TRO: variants seen among roughly 807,000 people sequenced by gnomAD.
TRO encodes the protein trophinin, also known as MAGE superfamily protein.
Under a neutral mutation model 42.3 loss-of-function variants are expected in TRO, and 29 were observed. The observed-to-expected ratio is 0.68, with a 90% CI of 0.51 to 0.93. The LOEUF (loss-of-function observed/expected upper bound fraction) is 0.93, where lower values mean the gene tolerates loss of function less well. Ranked by LOEUF, TRO falls within the 40% of genes least tolerant of loss-of-function variation. The pLI is 0.00. For synonymous variants in TRO, 384 were observed against 425.2 expected (o/e 0.90, Z 1.19); for missense variants, 963 against 1,127.7 (o/e 0.85, Z 2.09).
intron 1 of TRO, 200 bp from the exon 2 acceptor site, chrX:54,922,003 G>C: frequency 2.9e-6 from 1 of 339,212 alleles, no homozygotes; most frequent in Non-Finnish European, 5.1e-6. Context: ...CGGAGGGGGC[G>C]TGTAAAGGGG....
Position 54,925,127 on chromosome X carries a change from A to T in TRO, c.1485+59A>T. 3.8e-6 allele frequency: 4 copies of T among 1,048,982 alleles called. No homozygotes were observed. The East Asian group carries it at 1.2e-4, about 32-fold the overall frequency. The allele number at this position is 1,048,982 out of a possible 1,213,427, so 86.4% of individuals were successfully genotyped here. On this transcript the variant is annotated intron_variant, in intron 6 of 12. Coordinates refer to ENST00000173898, the MANE Select transcript of TRO (RefSeq NM_001039705.3). ...GGGAAGCTTTGAATCGAGCAAAGAC[A>T]TACATGTCCCTTTTGGAGAGAATCA...
Position 54,928,900 on chromosome X carries a change from G to A in TRO, c.2176G>A (p.Gly726Arg). ...CAGCACCAACGTCAACTTCAGCAGA[G>A]GAGCTAGTACCAGGGCTGGCTTCAG... ...DASTNVNFSR[G>R]ASTRAGFSDG... Residue 726 changes from glycine to arginine, a missense_variant, in exon 12 of 13, where the codon GGA (glycine) becomes AGA (arginine). Coordinates refer to ENST00000173898, the MANE Select transcript of TRO (RefSeq NM_001039705.3). The A allele has an allele frequency of 1.7e-6, 2 of 1,211,428 alleles. No individual in the cohort carries two copies. The highest frequency in any genetic ancestry group is 2.3e-4 in the Middle Eastern group (1 of 4,341).
At chrX:54,923,886 G>T in intron 3 of TRO, 118 bp downstream of exon 3, 2 of 786,155 alleles carry the variant, frequency 2.5e-6, no homozygotes, top group Middle Eastern at 3.3e-4. Context: ...GTTCAGATAG[G>T]CTGTGGAAGA....
chrX:54,928,806 C>A lies in TRO; in HGVS notation c.2082C>A (p.Gly694=), dbSNP rs1158138039. ...ACTGCCTAACAAGGGAAGAGTTAGGCGATGATGCTCAGGCCTGGAGCAGAT... is the reference window on the plus strand; with the variant it reads ...ACTGCCTAACAAGGGAAGAGTTAGGAGATGATGCTCAGGCCTGGAGCAGAT... ...DIDCLTREEL[G]DDAQAWSRFS... The change falls in exon 12 of 13, where the codon GGC becomes GGA. Residue 694 remains glycine, a synonymous_variant. Coordinates refer to ENST00000173898, the MANE Select transcript of TRO (RefSeq NM_001039705.3). The A allele has an allele frequency of 1.8e-5, 22 of 1,209,780 alleles. No individual in the cohort carries two copies. The African/African-American group carries it at 2.3e-4, about 12-fold the overall frequency.
chrX:54,928,542 C>T (rs908168663), intron 11 of TRO, 61 bp from the exon 12 acceptor site: 34 of 1,112,494 alleles, frequency 3.1e-5, no homozygotes, highest in Admixed American at 9.4e-5. Flanking sequence ...ATACAAAGCC[C>T]GTAGGTTAAT....
intron 5 of TRO, 106 bp from the exon 6 acceptor site, chrX:54,924,883 A>T: frequency 1.0e-6 from 1 of 983,851 alleles, no homozygotes; most frequent in Non-Finnish European, 1.4e-6. Context: ...TCTCCCATTA[A>T]CTCACTTCAG....
intron 12 of TRO, 30 bp downstream of exon 12, chrX:54,931,061 C>T: frequency 8.5e-7 from 1 of 1,169,716 alleles, no homozygotes. Context: ...AGCCAGGACC[C>T]ACAGGGATGG....
chrX:54,926,387 T>G (rs190582645), intron 7 of TRO, 23 bp from the exon 8 acceptor site: 1 of 1,196,979 alleles, frequency 8.4e-7, no homozygotes, highest in African/African-American at 1.8e-5. Flanking sequence ...ATAAACCTTC[T>G]TTCTGTCCTG....
In TRO at chrX:54,929,972, T is replaced by A. The variant is rs755309574; in HGVS notation, c.3248T>A (p.Val1083Asp). Reference sequence around the variant, plus strand: ...ACCAGTGCCAGCTTCAGTGGTGCTGTCAGCACCAGTGCTTGCTTCAGTGGT... The same window carrying A: ...ACCAGTGCCAGCTTCAGTGGTGCTGACAGCACCAGTGCTTGCTTCAGTGGT... ...VSTSASFSGA[V>D]STSACFSGAP... The change falls in exon 12 of 13, where the codon GTC becomes GAC. Residue 1083 changes from valine to aspartate, a missense_variant. Physicochemically the swap from Val to Asp is radical, Grantham distance 152. Transcript: ENST00000173898. 8.3e-7 allele frequency: 1 copy of A among 1,209,838 alleles called. No individual in the cohort carries two copies. The highest frequency in any genetic ancestry group is 1.8e-5 in the South Asian group (1 of 56,821).
intron 7 of TRO, 69 bp from the exon 8 acceptor site, chrX:54,926,341 G>C: frequency 9.3e-7 from 1 of 1,079,766 alleles, no homozygotes; most frequent in Non-Finnish European, 1.3e-6. Flanking sequence ...GCGGATGGCT[G>C]CTGAAACATA....
chrX:54,928,592 C>T lies in TRO; in HGVS notation c.1879-11C>T, dbSNP rs767443927. 4.4e-6 allele frequency: 5 copies of T among 1,140,168 alleles called. No individual in the cohort carries two copies. The allele number at this position is 1,140,168 out of a possible 1,213,427, so 94.0% of individuals were successfully genotyped here. A position where few individuals can be genotyped will look rare whatever the true frequency, so the allele number is the denominator to read the frequency against. ...GTTGTTTTCTTATTATGATTATCAT[C>T]CCCATTTCAGGTGCAGAAGAAAGAC... On this transcript the variant is annotated splice_polypyrimidine_tract_variant and intron_variant, in intron 11 of 12. Coordinates refer to ENST00000173898, the MANE Select transcript of TRO (RefSeq NM_001039705.3).
At chrX:54,921,865 A>G (rs1387224621) in intron 1 of TRO, 2 of 151,355 alleles carry the variant, frequency 1.3e-5, no homozygotes, top group Non-Finnish European at 2.5e-5. Context: ...AGCTGGTTAG[A>G]AACTGTCCGG....
chrX:54,927,111 T>C lies in TRO; in HGVS notation c.1763+6T>C, dbSNP rs776841049. 5.8e-6 allele frequency: 7 copies of C among 1,209,495 alleles called. 1 individual carries two copies. Among genetic ancestry groups the C allele is most frequent in the Non-Finnish European group, 7.8e-6 (7 of 895,000 alleles). ...GACGAGTTTGTGAAGCAGAAGTAAG[T>C]GGTGTTTGGGGCTTTGTCTGGCCCT... On this transcript the variant is annotated splice_donor_region_variant and intron_variant, in intron 10 of 12. Coordinates refer to ENST00000173898, the MANE Select transcript of TRO (RefSeq NM_001039705.3).
At position 54,929,580 on chromosome X, in the gene TRO, A is replaced by C; in HGVS notation, c.2856A>C (p.Thr952=). Residue 952 remains threonine (T), a synonymous_variant, in exon 12 of 13, where the codon ACA becomes ACC. Coordinates refer to ENST00000173898, the MANE Select transcript of TRO (RefSeq NM_001039705.3). ...GCACCAGTGCCAATTTTGGTGGTACACTAAGTACCAGCATCTGCTTTGATG... is the reference window on the plus strand; with the variant it reads ...GCACCAGTGCCAATTTTGGTGGTACCCTAAGTACCAGCATCTGCTTTGATG... ...SSSTSANFGG[T]LSTSICFDGS... is the part of the protein sequence containing the mutation. 8.3e-7 allele frequency: 1 copy of C among 1,210,965 alleles called. No homozygotes were observed. Among genetic ancestry groups the C allele is most frequent in the Non-Finnish European group, 1.1e-6 (1 of 895,134 alleles).
At chrX:54,923,833 G>C (rs1932430973) in intron 3 of TRO, 65 bp downstream of exon 3, 1 of 1,052,377 alleles carries the variant, frequency 9.5e-7, no homozygotes, top group African/African-American at 1.9e-5. Flanking sequence ...CTTCTAGTTT[G>C]TTCATTTCTT....
Position 54,929,429 on chromosome X carries a change from C to T in TRO, c.2705C>T (p.Ser902Phe), listed in dbSNP as rs1932914373. 1.7e-5 allele frequency: 21 copies of T among 1,212,262 alleles called. No homozygotes were observed. Among genetic ancestry groups the T allele is most frequent in the Non-Finnish European group, 2.3e-5 (21 of 895,612 alleles). Residue 902 changes from serine (S) to phenylalanine (F), a missense_variant, in exon 12 of 13, where the codon TCT (serine) becomes TTT (phenylalanine). Ser to Phe is a radical substitution (Grantham distance 155). Transcript: ENST00000173898. Reference protein sequence around the residue: ...ILSTSVCFGGSPSSSGSFGGT... With the variant: ...ILSTSVCFGGFPSSSGSFGGT... ...AGCACCAGTGTCTGTTTTGGTGGCT[C>T]TCCCAGCTCCAGTGGTAGCTTTGGT...
rs756341935 is a variant in TRO, at chrX:54,924,893, G to A, written c.1406-96G>A. 208 of 1,005,205 alleles carry A rather than the reference G, an allele frequency of 2.1e-4. No individual in the cohort carries two copies. The Middle Eastern group carries it at 2.7e-3, about 13-fold the overall frequency. The allele number at this position is 1,005,205 out of a possible 1,213,427, so 82.8% of individuals were successfully genotyped here. On this transcript the variant is annotated intron_variant, in intron 5 of 12. Coordinates refer to ENST00000173898, the MANE Select transcript of TRO (RefSeq NM_001039705.3). ...TGGCATCTCCCATTAACTCACTTCA[G>A]GTCTCTGATTGCACTGACCCAACAG...
intron 9 of TRO, 74 bp from the exon 10 acceptor site, chrX:54,926,969 C>A: frequency 8.9e-7 from 1 of 1,128,020 alleles, no homozygotes; most frequent in Admixed American, 2.3e-5. Context: ...AGGTCTCTTC[C>A]ATGTTGGGAA....
chrX:54,923,779 T>C lies in TRO; in HGVS notation c.1236+11T>C. On this transcript the variant is annotated intron_variant, in intron 3 of 12. Coordinates refer to ENST00000173898, the MANE Select transcript of TRO (RefSeq NM_001039705.3). ...AAAAGAAACCGAAAGGTGAGATCTCTGACATTGCCATCCTTAACTTTGTGC... is the reference window on the plus strand; with the variant it reads ...AAAAGAAACCGAAAGGTGAGATCTCCGACATTGCCATCCTTAACTTTGTGC... 1.7e-6 allele frequency: 2 copies of C among 1,176,556 alleles called. No homozygotes were observed. Among genetic ancestry groups the C allele is most frequent in the Non-Finnish European group, 2.3e-6 (2 of 874,204 alleles).
Sources: gnomAD v4.1 joint callset for allele counts on GRCh38, gnomAD v4.1.1 for gene constraint, MANE v1.5 for transcripts, NCBI Gene and HGNC (gene_info 2026-07-23, HGNC 2026-07-21) for gene names.